RAB27B: variants seen among roughly 807,000 people sequenced by gnomAD.
RAB27B encodes RAB27B, member RAS oncogene family, also known as ras-related protein Rab-27B.
Under a neutral mutation model 24.6 loss-of-function variants are expected in RAB27B, and 15 were observed. The ratio of observed to expected loss-of-function variants is 0.61; its 90% CI spans 0.41 to 0.94. The LOEUF (loss-of-function observed/expected upper bound fraction) is 0.94. Among genes scored for constraint, RAB27B ranks in the 40% least tolerant of loss-of-function variants. RAB27B has a pLI of 0.00. For synonymous variants in RAB27B, 105 were observed against 92.5 expected (o/e 1.14, Z -0.78); for missense variants, 261 against 266.8 (o/e 0.98, Z 0.15).
chr18:54,774,997 C>CA (rs972911935), intron 2 of RAB27B, among the ~76,000 whole-genome samples: 4 of 152,078 alleles, frequency 2.6e-5, no homozygotes, highest in East Asian at 3.9e-4. Context: ...TGAATAAACA[C>CA]AAAAAAAGCC....
At chr18:54,885,238 G>A (rs889476566) in intron 4 of RAB27B, among the ~76,000 whole-genome samples, 1 of 152,032 alleles carries the variant, frequency 6.6e-6, no homozygotes, top group African/African-American at 2.4e-5. Flanking sequence ...TCGTCCTATG[G>A]GGCTGCTCTT....
At chr18:54,760,426 T>C (rs1908148674) in intron 2 of RAB27B, among the ~76,000 whole-genome samples, 1 of 152,068 alleles carries the variant, frequency 6.6e-6, no homozygotes, top group Non-Finnish European at 1.5e-5. Context: ...AACTTGAAAT[T>C]TTATTCTGAG....
In RAB27B at chr18:54,740,868, TGAG is replaced by T. The variant is rs564898093; in HGVS notation, c.-20+22731_-20+22733del. On this transcript the variant is annotated intron_variant, in intron 2 of 4. Coordinates refer to the RAB27B transcript ENST00000586570. ...TAGATAGATAATATAAAGAATGAAA[TGAG>T]GAGATTTTACTGCTAGTGCATTTTT... 7.2e-5 allele frequency among the ~76,000 whole-genome samples: 11 copies of T among 152,214 alleles called. No homozygotes were observed. The South Asian group carries it at 8.3e-4, about 11-fold the overall frequency.
intron 2 of RAB27B, among the ~76,000 whole-genome samples, chr18:54,795,662 G>A (rs1174704138): frequency 6.6e-6 from 1 of 152,132 alleles, no homozygotes; most frequent in Admixed American, 6.6e-5. Flanking sequence ...ATCCTTTCCT[G>A]AGGAAGAAAC....
At chr18:54,836,593 A>G (rs1255172427) in intron 1 of RAB27B, among the ~76,000 whole-genome samples, 1 of 152,044 alleles carries the variant, frequency 6.6e-6, no homozygotes, top group Non-Finnish European at 1.5e-5. Context: ...ATTAAAATTC[A>G]TAAATATTAA....
rs761973486 is a variant in RAB27B, at chr18:54,890,198, A to G, written c.*785A>G. 1 of 152,100 alleles carries G rather than the reference A, an allele frequency of 6.6e-6. No individual in the cohort carries two copies. Among genetic ancestry groups the G allele is most frequent in the Non-Finnish European group, 1.5e-5 (1 of 67,976 alleles). 9.4% of individuals were successfully genotyped at this position (152,100 alleles called of 1,614,324 possible). On this transcript the variant is annotated 3_prime_UTR_variant, in exon 6 of 6. Coordinates refer to ENST00000262094, the MANE Select transcript of RAB27B (RefSeq NM_004163.4). ...ATGTCTGGAAGGGTTACTTAGCCAAATTTTACTCAAGCCAATTAGGAGCTG... is the reference window on the plus strand; with the variant it reads ...ATGTCTGGAAGGGTTACTTAGCCAAGTTTTACTCAAGCCAATTAGGAGCTG...
chr18:54,738,111 C>T (rs1277572044), intron 2 of RAB27B, among the ~76,000 whole-genome samples: 1 of 152,160 alleles, frequency 6.6e-6, no homozygotes, highest in African/African-American at 2.4e-5. Context: ...TTATACTAGA[C>T]TCCTCTGATT....
chr18:54,874,027 C>G (rs1912589910), intron 1 of RAB27B, among the ~76,000 whole-genome samples: 2 of 152,136 alleles, frequency 1.3e-5, no homozygotes, highest in Admixed American at 1.3e-4. Flanking sequence ...ATTGTTCACT[C>G]TGGATTAGAC....
intron 5 of RAB27B, among the ~76,000 whole-genome samples, chr18:54,888,639 C>A (rs1347844388): frequency 1.3e-5 from 2 of 151,894 alleles, no homozygotes; most frequent in African/African-American, 2.4e-5. Flanking sequence ...AGAAACAACA[C>A]CCCATGTAAT....
At position 54,889,112 on chromosome 18, in the gene RAB27B, A is replaced by G. The variant is rs1913260829; in HGVS notation, c.468-112A>G. ...CAACTTAGCCAGCAAAACCATAATC[A>G]TTTCACAATCTCTCAGCCAGCCGTT... On this transcript the variant is annotated intron_variant, in intron 5 of 5. Coordinates refer to ENST00000262094, the MANE Select transcript of RAB27B (RefSeq NM_004163.4). 3 of 1,044,000 alleles carry G rather than the reference A, an allele frequency of 2.9e-6. No individual in the cohort carries two copies. The East Asian group carries it at 8.3e-5, about 29-fold the overall frequency. The allele number at this position is 1,044,000 out of a possible 1,614,324, so 64.7% of individuals were successfully genotyped here.
intron 2 of RAB27B, among the ~76,000 whole-genome samples, chr18:54,799,094 A>T (rs1192471492): frequency 2.6e-5 from 4 of 152,240 alleles, no homozygotes; most frequent in Non-Finnish European, 5.9e-5. Flanking sequence ...GGCTATGCTT[A>T]GAACGAGTTA....
At chr18:54,808,953 G>A (rs928837090) in intron 2 of RAB27B, among the ~76,000 whole-genome samples, 22 of 152,222 alleles carry the variant, frequency 1.4e-4, no homozygotes, top group African/African-American at 5.1e-4. Flanking sequence ...TGAGGCCACA[G>A]TGAAAAGATG....
intron 2 of RAB27B, among the ~76,000 whole-genome samples, chr18:54,777,204 A>G (rs1054650866): frequency 6.6e-6 from 1 of 152,226 alleles, no homozygotes; most frequent in African/African-American, 2.4e-5. Context: ...GAAATGTTAC[A>G]GGATTGAAGA....
chr18:54,730,308 A>G (rs1163231350), intron 2 of RAB27B, among the ~76,000 whole-genome samples: 1 of 152,168 alleles, frequency 6.6e-6, no homozygotes, highest in Admixed American at 6.5e-5. Context: ...AAAATTAACC[A>G]TAAGTTCCGA....
chr18:54,830,492 G>A (rs1229036816), intron 1 of RAB27B, among the ~76,000 whole-genome samples: 2 of 152,152 alleles, frequency 1.3e-5, no homozygotes, highest in Non-Finnish European at 2.9e-5. Context: ...CAGCTCTTAA[G>A]CAAGTAATTG....
At chr18:54,777,459 A>G (rs999367507) in intron 2 of RAB27B, among the ~76,000 whole-genome samples, 6 of 152,248 alleles carry the variant, frequency 3.9e-5, no homozygotes, top group Admixed American at 1.3e-4. Context: ...TGTGCATGCA[A>G]ACTCCACCTG....
chr18:54,829,921 A>AG (rs1396969372), intron 1 of RAB27B, among the ~76,000 whole-genome samples: 3 of 152,204 alleles, frequency 2.0e-5, no homozygotes, highest in African/African-American at 4.8e-5. Context: ...ATGACCAAAA[A>AG]GGGGTAATCT....
Position 54,889,077 on chromosome 18 carries a change from G to A in RAB27B, c.468-147G>A, listed in dbSNP as rs1374999476. On this transcript the variant is annotated intron_variant, in intron 5 of 5. Transcript: ENST00000262094. ...TTTTTACTCACTGAGGAAAAAACAAGGATGCTTTCCAACTTAGCCAGCAAA... is the reference window on the plus strand; with the variant it reads ...TTTTTACTCACTGAGGAAAAAACAAAGATGCTTTCCAACTTAGCCAGCAAA... The A allele has an allele frequency of 4.3e-6, 3 of 704,302 alleles. No homozygotes were observed. In the African/African-American group the frequency reaches 5.5e-5, roughly 13 times the overall value. The allele number at this position is 704,302 out of a possible 1,614,324, so 43.6% of individuals were successfully genotyped here. A position where few individuals can be genotyped will look rare whatever the true frequency, so the allele number is the denominator to read the frequency against.
At chr18:54,783,198 C>T (rs1389405031) in intron 2 of RAB27B, among the ~76,000 whole-genome samples, 1 of 151,966 alleles carries the variant, frequency 6.6e-6, no homozygotes, top group Non-Finnish European at 1.5e-5. Flanking sequence ...AACTCCTGAC[C>T]TCAAGTGATC....
Sources: allele counts gnomAD v4.1 joint callset (sites outside exome capture counted in the v4.1 genomes callset), GRCh38; gene constraint gnomAD v4.1.1; transcripts MANE v1.5; gene names NCBI Gene and HGNC (gene_info 2026-07-23, HGNC 2026-07-21).